MAN1A1: variants seen among roughly 807,000 people sequenced by gnomAD.
The protein encoded by MAN1A1 is mannosyl-oligosaccharide 1,2-alpha-mannosidase IA.
In MAN1A1, 29 loss-of-function variants were observed where a neutral mutation model predicts 70.8. That is an observed-to-expected ratio of 0.41 (90% CI 0.31 to 0.56). The LOEUF (loss-of-function observed/expected upper bound fraction) is 0.56. Among genes scored for constraint, MAN1A1 ranks in the 20% least tolerant of loss-of-function variants. MAN1A1 has a pLI of 0.29. For synonymous variants in MAN1A1, 349 were observed against 330.1 expected (o/e 1.06, Z -0.62); for missense variants, 747 against 841.3 (o/e 0.89, Z 1.39).
At chr6:119,304,926 G>A (rs2144233) in intron 3 of MAN1A1, among the ~76,000 whole-genome samples, 3 of 143,212 alleles carry the variant, frequency 2.1e-5, no homozygotes, top group African/African-American at 7.8e-5. Context: ...ATTTGGCTGA[G>A]AAGTGGGCTA....
At chr6:119,248,158 C>T (rs1276213587) in intron 6 of MAN1A1, 102 bp downstream of exon 6, 2 of 747,256 alleles carry the variant, frequency 2.7e-6, no homozygotes, top group Non-Finnish European at 4.4e-6. Flanking sequence ...GTCTGTTAGT[C>T]ACCAGTATCA....
intron 2 of MAN1A1, among the ~76,000 whole-genome samples, chr6:119,344,609 T>C (rs1483557660): frequency 1.3e-5 from 2 of 152,204 alleles, no homozygotes; most frequent in Admixed American, 6.5e-5. Context: ...TTTATTATTT[T>C]GTAAATATTA....
intron 2 of MAN1A1, among the ~76,000 whole-genome samples, chr6:119,338,250 G>A (rs911856827): frequency 6.6e-6 from 1 of 151,578 alleles, no homozygotes; most frequent in African/African-American, 2.4e-5. Flanking sequence ...ATGAACCAAG[G>A]TCAGAATATA....
chr6:119,270,770 C>CT lies in MAN1A1; in HGVS notation c.897+19912dup, dbSNP rs1456790846. Among the ~76,000 whole-genome samples, 5 of 152,312 alleles carry CT rather than the reference C, an allele frequency of 3.3e-5. No individual in the cohort carries two copies. In the East Asian group the frequency reaches 9.6e-4, roughly 29 times the overall value. On this transcript the variant is annotated intron_variant, in intron 5 of 12. Coordinates refer to ENST00000368468, the MANE Select transcript of MAN1A1 (RefSeq NM_005907.4). ...TCTTTGTTTCTCATTCTCACCACGGCTGCCAGAATATCCCTTGAGTTGGTC... is the reference window on the plus strand; with the variant it reads ...TCTTTGTTTCTCATTCTCACCACGGCTTGCCAGAATATCCCTTGAGTTGGTC...
At chr6:119,186,902 T>C (rs1435178800) in intron 11 of MAN1A1, among the ~76,000 whole-genome samples, 14 of 152,230 alleles carry the variant, frequency 9.2e-5, no homozygotes, top group East Asian at 5.8e-4. Context: ...CAGAGGTTAC[T>C]GGGGGCATCC....
intron 11 of MAN1A1, among the ~76,000 whole-genome samples, chr6:119,187,704 C>G (rs568231992): frequency 6.6e-6 from 1 of 152,334 alleles, no homozygotes; most frequent in African/African-American, 2.4e-5. Context: ...TGAATTCCCT[C>G]CCACTCCTTG....
intron 2 of MAN1A1, among the ~76,000 whole-genome samples, chr6:119,331,196 G>C (rs958229081): frequency 6.6e-6 from 1 of 152,128 alleles, no homozygotes; most frequent in African/African-American, 2.4e-5. Context: ...CAGAGCCTTT[G>C]TTGTCACTTC....
chr6:119,335,861 A>G (rs536998159), intron 2 of MAN1A1, among the ~76,000 whole-genome samples: 2 of 152,374 alleles, frequency 1.3e-5, no homozygotes, highest in South Asian at 4.1e-4. Context: ...ATACAACTCA[A>G]CAAATAAACT....
At chr6:119,337,652 A>T (rs1773493798) in intron 2 of MAN1A1, among the ~76,000 whole-genome samples, 1 of 152,226 alleles carries the variant, frequency 6.6e-6, no homozygotes. Flanking sequence ...TTATCTTATT[A>T]CTGATGGAAT....
At chr6:119,259,728 G>C (rs901794320) in intron 5 of MAN1A1, among the ~76,000 whole-genome samples, 3 of 152,092 alleles carry the variant, frequency 2.0e-5, no homozygotes, top group African/African-American at 7.2e-5. Context: ...TTATGTTTGT[G>C]TCCCTCCAGG....
At chr6:119,332,325 ATAAC>A (rs1773340291) in intron 2 of MAN1A1, among the ~76,000 whole-genome samples, 1 of 152,246 alleles carries the variant, frequency 6.6e-6, no homozygotes, top group Admixed American at 6.5e-5. Flanking sequence ...AACAGGAAGA[ATAAC>A]AAACACATTC....
rs1248542275 is a variant in MAN1A1, at chr6:119,256,699, C to T, written c.898-8345G>A. On this transcript the variant is annotated intron_variant, in intron 5 of 12. Transcript: ENST00000368468. ...GTTCTGGTTCAGGGCTTGCTACTCA[C>T]CAGTTATGTCATAAAGAAAATGGGT... is the stretch of plus-strand genomic sequence containing the variant. Among the ~76,000 whole-genome samples, 5 of 152,202 alleles carry T rather than the reference C, an allele frequency of 3.3e-5. No individual in the cohort carries two copies. The East Asian group carries it at 9.7e-4, about 29-fold the overall frequency.
At chr6:119,270,277 G>A (rs1775883447) in intron 5 of MAN1A1, among the ~76,000 whole-genome samples, 1 of 151,818 alleles carries the variant, frequency 6.6e-6, no homozygotes, top group Non-Finnish European at 1.5e-5. Flanking sequence ...TCTTTTCAGG[G>A]GACATACATA....
chr6:119,250,852 G>T (rs920159881), intron 5 of MAN1A1, among the ~76,000 whole-genome samples: 2 of 152,170 alleles, frequency 1.3e-5, no homozygotes, highest in Admixed American at 1.3e-4. Flanking sequence ...CAAAATGGGT[G>T]TCTTGTTATT....
intron 2 of MAN1A1, chr6:119,327,530 C>G (rs927525603): frequency 2.0e-5 from 3 of 151,946 alleles, no homozygotes; most frequent in African/African-American, 4.8e-5. Context: ...GCTGGGATTA[C>G]AGGCATGCAC....
chr6:119,344,452 ATGTCCTCCC>A (rs1773676220), intron 2 of MAN1A1, among the ~76,000 whole-genome samples: 1 of 152,200 alleles, frequency 6.6e-6, no homozygotes, highest in Non-Finnish European at 1.5e-5. Flanking sequence ...CAAACACTCC[ATGTCCTCCC>A]TGCTCTGGGG....
chr6:119,224,567 TCAG>T (rs1186422318), intron 6 of MAN1A1, among the ~76,000 whole-genome samples: 4 of 152,070 alleles, frequency 2.6e-5, no homozygotes, highest in Admixed American at 2.0e-4. Flanking sequence ...AAAATAATTC[TCAG>T]AAGAACGTAA....
intron 5 of MAN1A1, among the ~76,000 whole-genome samples, chr6:119,255,511 T>C (rs531317252): frequency 6.6e-6 from 1 of 152,358 alleles, no homozygotes; most frequent in African/African-American, 2.4e-5. Context: ...TCTGGCTTTT[T>C]AGAGTAGACC....
chr6:119,290,430 C>T (rs536525389), intron 5 of MAN1A1, among the ~76,000 whole-genome samples: 98 of 152,078 alleles, frequency 6.4e-4, no homozygotes, highest in Non-Finnish European at 1.1e-3. Context: ...TATAATCACA[C>T]CATACATAAC....
Sources: gnomAD v4.1 joint callset for allele counts (sites outside exome capture counted in the v4.1 genomes callset) on GRCh38, gnomAD v4.1.1 for gene constraint, MANE v1.5 for transcripts, NCBI Gene and HGNC (gene_info 2026-07-23, HGNC 2026-07-21) for gene names.